ZNF790: variants seen among roughly 807,000 people sequenced by gnomAD.
ZNF790 encodes zinc finger protein 790.
Under a neutral mutation model 12.1 loss-of-function variants are expected in ZNF790, and 8 were observed. That is an observed-to-expected ratio of 0.66 (90% CI 0.39 to 1.19). The LOEUF (loss-of-function observed/expected upper bound fraction) is 1.19, where lower values mean the gene tolerates loss of function less well. Ranked by LOEUF, ZNF790 falls within the 50% of genes most tolerant of loss-of-function variation. The pLI is 0.01. For synonymous variants in ZNF790, 252 were observed against 244.3 expected, an observed-to-expected ratio of 1.03 and a Z score of -0.29; for missense variants, 707 against 752.2, an observed-to-expected ratio of 0.94 and a Z score of 0.70.
At chr19:36,827,809 C>G (rs2071863139) in intron 1 of ZNF790, 1 of 151,978 alleles carries the variant, frequency 6.6e-6, no homozygotes, top group African/African-American at 2.4e-5. Context: ...TTATGAAAAG[C>G]CCTAAAAAAT....
upstream of ZNF790, among the ~76,000 whole-genome samples, chr19:36,841,865 G>A (rs1027780095): frequency 1.5e-4 from 19 of 130,088 alleles, 1 homozygote; most frequent in Middle Eastern, 3.7e-3. Context: ...GGGGGTGGGG[G>A]GAGGGGAGAA....
intron 1 of ZNF790, among the ~76,000 whole-genome samples, chr19:36,849,484 C>T (rs1489696707): frequency 6.6e-6 from 1 of 151,936 alleles, no homozygotes; most frequent in African/African-American, 2.4e-5. Flanking sequence ...TATTTATCTT[C>T]CCCATATGCA....
intron 1 of ZNF790, among the ~76,000 whole-genome samples, chr19:36,847,876 G>A (rs528810625): frequency 6.6e-6 from 1 of 152,246 alleles, no homozygotes; most frequent in East Asian, 1.9e-4. Context: ...AGTACCTTCT[G>A]ACATGTGGGG....
chr19:36,827,890 A>G (rs1308889277), intron 1 of ZNF790: 1 of 152,192 alleles, frequency 6.6e-6, no homozygotes, highest in Non-Finnish European at 1.5e-5. Flanking sequence ...TAAGGTTTAA[A>G]AATGTTTCTA....
At chr19:36,832,921 T>A (rs1360619081) in intron 1 of ZNF790, among the ~76,000 whole-genome samples, 1 of 150,246 alleles carries the variant, frequency 6.7e-6, no homozygotes, top group Non-Finnish European at 1.5e-5. Flanking sequence ...GCAGGAGGAC[T>A]GCCTTGAGGC....
At chr19:36,842,509 G>A (rs1012221555), upstream of ZNF790, among the ~76,000 whole-genome samples, 4 of 151,920 alleles carry the variant, frequency 2.6e-5, no homozygotes, top group African/African-American at 7.3e-5. Flanking sequence ...GAAATAATAA[G>A]TTTTAAATAT....
intron 3 of ZNF790, 128 bp downstream of exon 3, chr19:36,823,539 C>A: frequency 7.5e-7 from 1 of 1,336,516 alleles, no homozygotes; most frequent in Non-Finnish European, 1.0e-6. Context: ...ATAACTATTG[C>A]CAGATTTACA....
intron 1 of ZNF790, among the ~76,000 whole-genome samples, chr19:36,835,195 A>C (rs2072020979): frequency 6.6e-6 from 1 of 152,326 alleles, no homozygotes; most frequent in South Asian, 2.1e-4. Context: ...AGCCTGAGGC[A>C]GGAGAATTGC....
chr19:36,822,792 G>T (rs1256088161), intron 4 of ZNF790, among the ~76,000 whole-genome samples: 2 of 151,818 alleles, frequency 1.3e-5, no homozygotes, highest in African/African-American at 4.8e-5. Context: ...TGCCTGCCTC[G>T]GCCTCCCAAA....
intron 1 of ZNF790, among the ~76,000 whole-genome samples, chr19:36,848,681 C>T (rs2072204851): frequency 6.6e-6 from 1 of 151,852 alleles, no homozygotes; most frequent in African/African-American, 2.4e-5. Context: ...TTTTAAGGAG[C>T]GGAGAGTTTA....
upstream of ZNF790, among the ~76,000 whole-genome samples, chr19:36,839,713 C>T (rs1346621415): frequency 2.6e-5 from 4 of 152,202 alleles, no homozygotes; most frequent in African/African-American, 9.6e-5. Flanking sequence ...TTCTGATACC[C>T]AGCTCCAGCT....
At chr19:36,830,879 C>G (rs2071932497) in intron 1 of ZNF790, among the ~76,000 whole-genome samples, 1 of 152,192 alleles carries the variant, frequency 6.6e-6, no homozygotes, top group South Asian at 2.1e-4. Context: ...GTGGCTCACG[C>G]CTGTAATCCC....
upstream of ZNF790, among the ~76,000 whole-genome samples, chr19:36,841,961 G>A (rs755052196): frequency 3.3e-5 from 5 of 151,780 alleles, no homozygotes; most frequent in African/African-American, 2.4e-5. Flanking sequence ...CGCCCCTCCC[G>A]CCTCTGCCTC....
At chr19:36,825,740 G>C (rs1444594414) in intron 1 of ZNF790, 48 bp from the exon 2 acceptor site, 3 of 1,073,868 alleles carry the variant, frequency 2.8e-6, no homozygotes, top group South Asian at 1.3e-5. Flanking sequence ...AGCTCTCAAA[G>C]GGACAAATAG....
upstream of ZNF790, among the ~76,000 whole-genome samples, chr19:36,842,919 C>T (rs1054673708): frequency 5.3e-5 from 8 of 149,978 alleles, no homozygotes; most frequent in East Asian, 1.4e-3. Flanking sequence ...GCAGGAGAAT[C>T]GCTTGAACCC....
At chr19:36,826,809 A>C (rs183973682) in intron 1 of ZNF790, among the ~76,000 whole-genome samples, 41 of 150,672 alleles carry the variant, frequency 2.7e-4, no homozygotes, top group African/African-American at 9.0e-4. Context: ...GGAGCCAACT[A>C]GTTCTAAGGA....
chr19:36,841,517 G>T (rs994981923), upstream of ZNF790, among the ~76,000 whole-genome samples: 1 of 151,830 alleles, frequency 6.6e-6, no homozygotes, highest in Admixed American at 6.6e-5. Flanking sequence ...CTACTCAGGA[G>T]GCTGAGACAT....
Position 36,827,137 on chromosome 19 carries a change from CACACATATATAT to C in ZNF790, c.-73-1457_-73-1446del, listed in dbSNP as rs1354339406. Among the ~76,000 whole-genome samples, 367 of 72,572 alleles carry C rather than the reference CACACATATATAT, an allele frequency of 5.1e-3. 1 individual carries two copies. Among genetic ancestry groups the C allele is most frequent in the African/African-American group, 0.021 (346 of 16,192 alleles). The allele number at this position is 72,572 out of a possible 152,430, so 47.6% of individuals were successfully genotyped here. The stretch of plus-strand genomic sequence containing the variant: ...ACACATACACACACACACACACACA[CACACATATATAT>C]ATATATATATATATATATATATATA... On this transcript the variant is annotated intron_variant, in intron 1 of 4. Coordinates refer to ENST00000356725, the MANE Select transcript of ZNF790 (RefSeq NM_206894.4).
intron 1 of ZNF790, among the ~76,000 whole-genome samples, chr19:36,846,517 C>T (rs570752618): frequency 6.6e-6 from 1 of 151,804 alleles, no homozygotes; most frequent in African/African-American, 2.4e-5. Flanking sequence ...TGAGCCGAGA[C>T]AGTGCCACTG....
Sources: allele counts gnomAD v4.1 joint callset (sites outside exome capture counted in the v4.1 genomes callset), GRCh38; gene constraint gnomAD v4.1.1; transcripts MANE v1.5; gene names NCBI Gene and HGNC (gene_info 2026-07-23, HGNC 2026-07-21).